RUNX1: variants seen among roughly 807,000 people sequenced by gnomAD.
RUNX1 encodes the protein RUNX family transcription factor 1, also known as runt-related transcription factor 1.
A neutral mutation model predicts 42.8 loss-of-function variants in RUNX1; 19 were observed. The ratio of observed to expected loss-of-function variants is 0.44; its 90% CI spans 0.31 to 0.65. The LOEUF is 0.65. Among genes scored for constraint, RUNX1 ranks in the 30% least tolerant of loss-of-function variants. The pLI, the probability that RUNX1 is intolerant of heterozygous loss-of-function variation, is 0.07. For missense variants in RUNX1, 528 were observed against 672.0 expected, an observed-to-expected ratio of 0.79 and a Z score of 2.37; for synonymous variants, 271 against 289.4, an observed-to-expected ratio of 0.94 and a Z score of 0.64.
chr21:34,853,478 C>A (rs1257966564), intron 6 of RUNX1, among the ~76,000 whole-genome samples: 1 of 152,070 alleles, frequency 6.6e-6, no homozygotes, highest in Non-Finnish European at 1.5e-5. Context: ...AAAAACAGAC[C>A]CTGGCATCGG....
intron 3 of RUNX1, among the ~76,000 whole-genome samples, chr21:34,889,094 G>A (rs1461073714): frequency 6.6e-6 from 1 of 151,370 alleles, no homozygotes; most frequent in African/African-American, 2.4e-5. Context: ...CACCCGGAGA[G>A]GCCCGGCCCC....
intron 2 of RUNX1, among the ~76,000 whole-genome samples, chr21:34,912,267 G>A (rs1052677285): frequency 6.7e-6 from 1 of 149,456 alleles, no homozygotes; most frequent in Non-Finnish European, 1.5e-5. Context: ...GGCATTGAGT[G>A]GTGAAAAAAT....
intron 2 of RUNX1, among the ~76,000 whole-genome samples, chr21:35,014,430 C>T (rs2834732): frequency 0.29 from 43,818 of 152,020 alleles, 6,808 homozygotes; most frequent in Non-Finnish European, 0.35. Flanking sequence ...AGTCCAGGAT[C>T]GATACTTAGT....
At chr21:34,871,739 C>T (rs996864092) in intron 5 of RUNX1, among the ~76,000 whole-genome samples, 3 of 152,158 alleles carry the variant, frequency 2.0e-5, no homozygotes, top group African/African-American at 7.2e-5. Flanking sequence ...CCTGTCTCCC[C>T]TCCTGCCACG....
chr21:34,883,344 G>A (rs1332334568), intron 4 of RUNX1, among the ~76,000 whole-genome samples: 3 of 151,882 alleles, frequency 2.0e-5, no homozygotes, highest in Admixed American at 6.6e-5. Context: ...TGGTGGAGGC[G>A]GGTGGGTAAA....
chr21:34,796,877 T>C (rs1569006679), intron 8 of RUNX1, among the ~76,000 whole-genome samples: 2 of 150,690 alleles, frequency 1.3e-5, no homozygotes, highest in African/African-American at 2.4e-5. Context: ...CTGCAAAGGA[T>C]AGAGAGAGAG....
At chr21:34,892,121 T>G (rs2058087217) in intron 3 of RUNX1, among the ~76,000 whole-genome samples, 1 of 152,338 alleles carries the variant, frequency 6.6e-6, no homozygotes, top group Non-Finnish European at 1.5e-5. Context: ...CTAAAAGAAT[T>G]ATTTCTATTT....
chr21:34,853,820 T>G (rs1466054621), intron 6 of RUNX1, among the ~76,000 whole-genome samples: 2 of 151,178 alleles, frequency 1.3e-5, no homozygotes, highest in African/African-American at 4.9e-5. Flanking sequence ...CCTTCATTTT[T>G]TTTTTTTTTT....
At chr21:34,934,136 CT>C (rs1479300204) in intron 2 of RUNX1, among the ~76,000 whole-genome samples, 1 of 152,118 alleles carries the variant, frequency 6.6e-6, no homozygotes, top group Non-Finnish European at 1.5e-5. Context: ...AGAGCAAAGG[CT>C]TAGCTAAGTT....
chr21:34,870,954 C>G (rs2057728181), intron 5 of RUNX1, among the ~76,000 whole-genome samples: 1 of 150,546 alleles, frequency 6.6e-6, no homozygotes, highest in South Asian at 2.1e-4. Flanking sequence ...GAGACTCCAT[C>G]TCAAAAAAAA....
intron 2 of RUNX1, among the ~76,000 whole-genome samples, chr21:35,005,357 G>A (rs992242865): frequency 2.6e-5 from 4 of 152,058 alleles, no homozygotes; most frequent in Non-Finnish European, 5.9e-5. Flanking sequence ...AGCCTCTTCT[G>A]TCCTCTAAAG....
At chr21:34,824,363 C>G (rs2056957663) in intron 7 of RUNX1, among the ~76,000 whole-genome samples, 1 of 152,034 alleles carries the variant, frequency 6.6e-6, no homozygotes, top group Non-Finnish European at 1.5e-5. Flanking sequence ...AGGGTGAGTT[C>G]TATACTATTT....
At chr21:35,011,736 A>C (rs2059128051) in intron 2 of RUNX1, among the ~76,000 whole-genome samples, 1 of 152,206 alleles carries the variant, frequency 6.6e-6, no homozygotes. Context: ...ACAGACAAGA[A>C]TTCTTGCTAA....
intron 2 of RUNX1, among the ~76,000 whole-genome samples, chr21:34,989,463 G>T (rs986762507): frequency 1.3e-5 from 2 of 152,040 alleles, no homozygotes; most frequent in African/African-American, 4.8e-5. Flanking sequence ...ATGAGGCTGT[G>T]CTAGGAGGTG....
In RUNX1 at chr21:34,935,582, C is replaced by CT. The variant is rs11352706; in HGVS notation, c.59-42620dup. Among the ~76,000 whole-genome samples, 794 of 146,874 alleles carry CT rather than the reference C, an allele frequency of 5.4e-3. 5 individuals carry two copies. Among genetic ancestry groups the CT allele is most frequent in the African/African-American group, 0.017 (700 of 40,432 alleles). ...GCCCTTCAGTGAACAAGTTGAGACACTTTTTTTTTTTGTAACCTGGTTAAC... is the reference window on the plus strand; with the variant it reads ...GCCCTTCAGTGAACAAGTTGAGACACTTTTTTTTTTTTGTAACCTGGTTAAC... On this transcript the variant is annotated intron_variant, in intron 2 of 8. Transcript: ENST00000675419.
intron 7 of RUNX1, among the ~76,000 whole-genome samples, chr21:34,828,919 G>A (rs1389456298): frequency 1.3e-5 from 2 of 152,072 alleles, no homozygotes; most frequent in Non-Finnish European, 2.9e-5. Flanking sequence ...ATAAGACTAC[G>A]ACAACTTGAT....
intron 2 of RUNX1, among the ~76,000 whole-genome samples, chr21:35,003,194 T>G (rs1406846496): frequency 6.6e-6 from 1 of 152,212 alleles, no homozygotes; most frequent in Non-Finnish European, 1.5e-5. Context: ...AAGTCATCAG[T>G]GTATCTTAAT....
At chr21:34,979,199 C>A (rs1036712872) in intron 2 of RUNX1, among the ~76,000 whole-genome samples, 1 of 152,104 alleles carries the variant, frequency 6.6e-6, no homozygotes, top group Non-Finnish European at 1.5e-5. Flanking sequence ...CCCACAGCCC[C>A]CGGAATAAGA....
At chr21:34,852,456 T>C (rs1242773298) in intron 6 of RUNX1, among the ~76,000 whole-genome samples, 2 of 152,200 alleles carry the variant, frequency 1.3e-5, no homozygotes, top group African/African-American at 4.8e-5. Context: ...TTGATACTAC[T>C]AAAAATATTC....
Sources: gnomAD v4.1 joint callset for allele counts (sites outside exome capture counted in the v4.1 genomes callset) on GRCh38, gnomAD v4.1.1 for gene constraint, MANE v1.5 for transcripts, NCBI Gene and HGNC (gene_info 2026-07-23, HGNC 2026-07-21) for gene names.